Variants in SPMIP4 observed in about 807,000 individuals in gnomAD.
SPMIP4 encodes the protein sperm microtubule inner protein 4.
At chr7:25,163,433 C>A in the SPMIP4 span, among the ~76,000 whole-genome samples, 1,126 of 152,242 alleles carry the variant, frequency 7.4e-3, 57 homozygotes, top group Admixed American at 0.064. The surrounding 1 kb of genome is among the most constrained non-coding windows in gnomAD (Gnocchi z 4.4). Flanking sequence ...TATTTGTACC[C>A]CACAAGAATG....
At chr7:25,166,073 C>T in the SPMIP4 span, among the ~76,000 whole-genome samples, 2 of 152,096 alleles carry the variant, frequency 1.3e-5, no homozygotes, top group African/African-American at 4.8e-5. Flanking sequence ...AATAAGGTTG[C>T]AGGAGAGGTG....
chr7:25,143,466 T>A, the SPMIP4 span, among the ~76,000 whole-genome samples: 1 of 151,856 alleles, frequency 6.6e-6, no homozygotes, highest in Non-Finnish European at 1.5e-5. Context: ...CAAGCATGGA[T>A]CCAAAACAAA....
At chr7:25,165,634 C>T in the SPMIP4 span, among the ~76,000 whole-genome samples, 3 of 152,168 alleles carry the variant, frequency 2.0e-5, no homozygotes, top group South Asian at 2.1e-4. Context: ...AGGCGTGAGC[C>T]GCCGCGCCTG....
the SPMIP4 span, among the ~76,000 whole-genome samples, chr7:25,156,223 A>G: frequency 6.6e-6 from 1 of 152,254 alleles, no homozygotes; most frequent in South Asian, 2.1e-4. Context: ...AGGAGTGCCA[A>G]AGATCACCAG....
At chr7:25,146,198 G>C in the SPMIP4 span, among the ~76,000 whole-genome samples, 12 of 152,194 alleles carry the variant, frequency 7.9e-5, no homozygotes, top group Non-Finnish European at 1.5e-4. Context: ...CTGGCAGAGA[G>C]AATTATTTTT....
the SPMIP4 span, among the ~76,000 whole-genome samples, chr7:25,159,421 A>C: frequency 6.6e-6 from 1 of 152,258 alleles, no homozygotes; most frequent in Admixed American, 6.5e-5. Context: ...ATAATCCTGT[A>C]GCCCTGGAAA....
the SPMIP4 span, among the ~76,000 whole-genome samples, chr7:25,156,112 T>C: frequency 4.6e-5 from 7 of 152,162 alleles, no homozygotes; most frequent in South Asian, 6.2e-4. Flanking sequence ...CCAAGATGCC[T>C]GGTATCCTTT....
the SPMIP4 span, chr7:25,134,649 T>C: frequency 4.1e-6 from 4 of 984,320 alleles, no homozygotes; most frequent in African/African-American, 7.0e-5. Context: ...TACAAAGGTA[T>C]GAACATTACA....
At chr7:25,154,954 T>A in the SPMIP4 span, 1 of 1,499,246 alleles carries the variant, frequency 6.7e-7, no homozygotes, top group Non-Finnish European at 9.1e-7. Context: ...AATTTTATTA[T>A]TGAAGAAATC....
At chr7:25,161,603 A>G in the SPMIP4 span, among the ~76,000 whole-genome samples, 9 of 137,416 alleles carry the variant, frequency 6.5e-5, no homozygotes, top group African/African-American at 2.1e-4. Context: ...AGAACTTTTT[A>G]TTTATTTTAT....
chr7:25,147,614 A>G, the SPMIP4 span, among the ~76,000 whole-genome samples: 1 of 152,194 alleles, frequency 6.6e-6, no homozygotes, highest in African/African-American at 2.4e-5. Flanking sequence ...GACATTTAAC[A>G]CACTGTTAAC....
At chr7:25,156,028 T>A in the SPMIP4 span, among the ~76,000 whole-genome samples, 1 of 152,238 alleles carries the variant, frequency 6.6e-6, no homozygotes, top group Non-Finnish European at 1.5e-5. Flanking sequence ...TAACCTTGTA[T>A]GGAAATAGGG....
At chr7:25,148,127 A>C in the SPMIP4 span, among the ~76,000 whole-genome samples, 1 of 152,216 alleles carries the variant, frequency 6.6e-6, no homozygotes, top group East Asian at 1.9e-4. Context: ...GCAAGTTACA[A>C]GTCCTTGAAA....
chr7:25,134,245 G>T, the SPMIP4 span, among the ~76,000 whole-genome samples: 1 of 150,686 alleles, frequency 6.6e-6, no homozygotes, highest in African/African-American at 2.5e-5. Flanking sequence ...AGGCAACAGT[G>T]TGAGACTCTG....
At chr7:25,144,323 G>C in the SPMIP4 span, among the ~76,000 whole-genome samples, 2 of 152,220 alleles carry the variant, frequency 1.3e-5, no homozygotes, top group Non-Finnish European at 2.9e-5. Context: ...GTTTAAATTT[G>C]GACTTCTTGG....
the SPMIP4 span, chr7:25,142,209 A>C: frequency 7.8e-6 from 12 of 1,544,366 alleles, no homozygotes; most frequent in African/African-American, 6.8e-5. Context: ...ACTCTCCCCC[A>C]AAATAACTGA....
the SPMIP4 span, among the ~76,000 whole-genome samples, chr7:25,146,723 A>G: frequency 6.6e-6 from 1 of 152,244 alleles, no homozygotes; most frequent in Non-Finnish European, 1.5e-5. Context: ...GGTTTGCAGA[A>G]AGCTGGGTTG....
At chr7:25,167,710 C>A in the SPMIP4 span, among the ~76,000 whole-genome samples, 11 of 152,262 alleles carry the variant, frequency 7.2e-5, no homozygotes, top group Middle Eastern at 0.01. Flanking sequence ...TTAGATAAAG[C>A]AGGAGGAAGC....
At chr7:25,130,376 G>A in the SPMIP4 span, among the ~76,000 whole-genome samples, 2 of 146,562 alleles carry the variant, frequency 1.4e-5, no homozygotes, top group East Asian at 2.0e-4. Flanking sequence ...ACAATTGCGC[G>A]ATCTCGGCTC....
Sources: gnomAD v4.1 joint callset for allele counts (sites outside exome capture counted in the v4.1 genomes callset) on GRCh38, gnomAD v4.1.1 for gene constraint, Gnocchi (gnomAD v3.1) non-coding constraint, MANE v1.5 for transcripts, NCBI Gene and HGNC (gene_info 2026-07-23, HGNC 2026-07-21) for gene names.